CNTN4: variants seen among roughly 807,000 people sequenced by gnomAD.
The protein encoded by CNTN4 is contactin-4.
Under a neutral mutation model 122.5 loss-of-function variants are expected in CNTN4, and 77 were observed. The ratio of observed to expected loss-of-function variants is 0.63; its 90% confidence interval spans 0.52 to 0.76. CNTN4 has a LOEUF of 0.76. CNTN4 is among the 30% of genes least tolerant of loss of function. The pLI, the probability that CNTN4 is intolerant of heterozygous loss-of-function variation, is 0.00. For synonymous variants in CNTN4, 512 were observed against 447.0 expected (o/e 1.15, Z -1.83); for missense variants, 1,256 against 1,259.1 (o/e 1.00, Z 0.04).
chr3:2,800,019 T>G (rs1168120796), intron 6 of CNTN4, among the ~76,000 whole-genome samples: 1 of 152,024 alleles, frequency 6.6e-6, no homozygotes, highest in Non-Finnish European at 1.5e-5. Context: ...AGTTCCATGC[T>G]GTTTTGGCTA....
chr3:2,533,779 C>T (rs2077691521), intron 3 of CNTN4, among the ~76,000 whole-genome samples: 1 of 152,116 alleles, frequency 6.6e-6, no homozygotes, highest in South Asian at 2.1e-4. Context: ...CTGTTGTTTC[C>T]TGACTCTTTA....
In CNTN4 at chr3:2,363,721, T is replaced by C. The variant is rs577169558; in HGVS notation, c.-89+24488T>C. Among the ~76,000 whole-genome samples, 250 of 152,334 alleles carry C rather than the reference T, an allele frequency of 1.6e-3. 2 individuals carry two copies. The highest frequency in any genetic ancestry group is 5.6e-3 in the African/African-American group (234 of 41,586). ...AAGTCTAACATCTTTCCTCCTTTTATAGACTTTCACGAAGATAGAGAATAA... is the reference window on the plus strand; with the variant it reads ...AAGTCTAACATCTTTCCTCCTTTTACAGACTTTCACGAAGATAGAGAATAA... On this transcript the variant is annotated intron_variant, in intron 3 of 24. Coordinates refer to ENST00000418658, the MANE Select transcript of CNTN4 (RefSeq NM_175607.3).
At chr3:3,032,309 G>C (rs1271418553) in intron 16 of CNTN4, among the ~76,000 whole-genome samples, 2 of 152,200 alleles carry the variant, frequency 1.3e-5, no homozygotes, top group Non-Finnish European at 2.9e-5. Context: ...ATAATGTTCA[G>C]ATCAGCAGTT....
chr3:2,276,216 A>G (rs2041505505), intron 2 of CNTN4, among the ~76,000 whole-genome samples: 1 of 151,962 alleles, frequency 6.6e-6, no homozygotes, highest in Non-Finnish European at 1.5e-5. Context: ...TCTGCTGCCC[A>G]GGCTGGAGTA....
intron 4 of CNTN4, among the ~76,000 whole-genome samples, chr3:2,651,923 T>C (rs2083380425): frequency 6.6e-6 from 1 of 151,852 alleles, no homozygotes; most frequent in South Asian, 2.1e-4. Context: ...GCCAGGCTGA[T>C]CTCAAACTCC....
At chr3:2,309,394 T>A (rs2042834044) in intron 2 of CNTN4, among the ~76,000 whole-genome samples, 1 of 152,176 alleles carries the variant, frequency 6.6e-6, no homozygotes, top group South Asian at 2.1e-4. Context: ...ATCATGTGTT[T>A]TTTAAAAGCC....
chr3:2,647,421 C>A (rs1289796774), intron 4 of CNTN4, among the ~76,000 whole-genome samples: 2 of 146,866 alleles, frequency 1.4e-5, no homozygotes, highest in African/African-American at 4.9e-5. Context: ...AAATAAATAG[C>A]ATAAGTAACC....
rs181323245 is a variant in CNTN4 at position 2,325,926 on chromosome 3, G to C, written c.-144-13252G>C. Among the ~76,000 whole-genome samples, 685 of 152,180 alleles carry C rather than the reference G, an allele frequency of 4.5e-3. 7 individuals are homozygous for C. Among genetic ancestry groups the C allele is most frequent in the African/African-American group, 0.015 (633 of 41,518 alleles). Reference sequence around the variant, plus strand: ...GTGATACTTATCCTATAATATTTGAGCCTGTTTTGGGGAAAATTATAACTT... The same window carrying C: ...GTGATACTTATCCTATAATATTTGACCCTGTTTTGGGGAAAATTATAACTT... On this transcript the variant is annotated intron_variant, in intron 2 of 24. Transcript: ENST00000418658.
chr3:2,808,652 C>G (rs1324553100), intron 6 of CNTN4, among the ~76,000 whole-genome samples: 1 of 152,152 alleles, frequency 6.6e-6, no homozygotes, highest in Non-Finnish European at 1.5e-5. Context: ...CTGGCATTCC[C>G]TGGGGCAGGG....
chr3:2,952,668 A>G (rs564429847), intron 13 of CNTN4, among the ~76,000 whole-genome samples: 1 of 152,324 alleles, frequency 6.6e-6, no homozygotes, highest in African/African-American at 2.4e-5. Context: ...GCGCAATCAT[A>G]TGGCATTGTA....
chr3:2,298,200 T>G (rs1186721496), intron 2 of CNTN4, among the ~76,000 whole-genome samples: 5 of 152,220 alleles, frequency 3.3e-5, no homozygotes, highest in Non-Finnish European at 7.3e-5. Context: ...ATTTTATGTT[T>G]AAAAATAATT....
At chr3:2,582,293 A>G (rs759270087) in intron 4 of CNTN4, among the ~76,000 whole-genome samples, 1 of 152,232 alleles carries the variant, frequency 6.6e-6, no homozygotes, top group African/African-American at 2.4e-5. Context: ...TTACATAATT[A>G]TAGTCCTATC....
chr3:2,548,912 C>G (rs2078362758), intron 3 of CNTN4, among the ~76,000 whole-genome samples: 1 of 151,890 alleles, frequency 6.6e-6, no homozygotes, highest in Non-Finnish European at 1.5e-5. Context: ...AGGTGTATTC[C>G]TAGGTATTTT....
intron 2 of CNTN4, among the ~76,000 whole-genome samples, chr3:2,269,209 C>G (rs1448012299): frequency 6.6e-6 from 1 of 152,070 alleles, no homozygotes; most frequent in Admixed American, 6.6e-5. Flanking sequence ...GCTCAGAGGC[C>G]TTTGTTTAAT....
At chr3:2,566,307 T>G (rs1454151803) in intron 3 of CNTN4, among the ~76,000 whole-genome samples, 1 of 152,224 alleles carries the variant, frequency 6.6e-6, no homozygotes, top group Admixed American at 6.5e-5. Context: ...TCTATTGATT[T>G]CTAGATATTT....
At chr3:2,154,572 C>T (rs1239314882) in intron 2 of CNTN4, among the ~76,000 whole-genome samples, 1 of 152,162 alleles carries the variant, frequency 6.6e-6, no homozygotes, top group Non-Finnish European at 1.5e-5. Flanking sequence ...GTTCTATGAT[C>T]TGTAGTTGGG....
intron 4 of CNTN4, among the ~76,000 whole-genome samples, chr3:2,599,142 G>T (rs763915747): frequency 6.6e-6 from 1 of 152,124 alleles, no homozygotes; most frequent in Non-Finnish European, 1.5e-5. Context: ...AGAGATTAGC[G>T]TGTATCCACA....
At chr3:2,747,335 GGA>G (rs2089837041) in intron 6 of CNTN4, among the ~76,000 whole-genome samples, 2 of 151,732 alleles carry the variant, frequency 1.3e-5, no homozygotes, top group African/African-American at 4.9e-5. Context: ...CGGGAACCCG[GGA>G]GGCGGAGCTT....
intron 4 of CNTN4, among the ~76,000 whole-genome samples, chr3:2,594,577 C>T (rs567754056): frequency 6.6e-6 from 1 of 152,060 alleles, no homozygotes; most frequent in Middle Eastern, 3.2e-3. Flanking sequence ...TGCCACCACA[C>T]CCGGCTAATA....
Sources: allele counts gnomAD v4.1 joint callset (sites outside exome capture counted in the v4.1 genomes callset), GRCh38; gene constraint gnomAD v4.1.1; transcripts MANE v1.5; gene names NCBI Gene and HGNC (gene_info 2026-07-23, HGNC 2026-07-21).